GULP1: variants seen among roughly 807,000 people sequenced by gnomAD.
The protein encoded by GULP1 is GULP PTB domain containing engulfment adaptor 1.
Under a neutral mutation model 40.9 loss-of-function variants are expected in GULP1, and 19 were observed. That is an observed-to-expected ratio of 0.46 (90% CI 0.32 to 0.68). GULP1 has a LOEUF of 0.68. Among genes scored for constraint, GULP1 ranks in the 30% least tolerant of loss-of-function variants. GULP1 has a pLI of 0.03. For synonymous variants in GULP1, 119 were observed against 117.6 expected, an observed-to-expected ratio of 1.01 and a Z score of -0.08; for missense variants, 312 against 362.2, an observed-to-expected ratio of 0.86 and a Z score of 1.12.
At chr2:188,424,667 G>A (rs2055915790) in intron 2 of GULP1, among the ~76,000 whole-genome samples, 1 of 151,726 alleles carries the variant, frequency 6.6e-6, no homozygotes, top group African/African-American at 2.4e-5. Flanking sequence ...GAATTTACTT[G>A]TTTGTAAATA....
At chr2:188,450,998 A>G (rs2058794644) in intron 2 of GULP1, among the ~76,000 whole-genome samples, 2 of 152,234 alleles carry the variant, frequency 1.3e-5, no homozygotes, top group Admixed American at 6.5e-5. Context: ...AAATTACTCA[A>G]TTAGTAAATG....
intron 2 of GULP1, among the ~76,000 whole-genome samples, chr2:188,388,764 TTA>T (rs2050127822): frequency 6.6e-6 from 1 of 152,090 alleles, no homozygotes. Flanking sequence ...CTTGAGGAGT[TTA>T]TAATGTAGCA....
At chr2:188,294,722 TATG>T (rs2034555969) in intron 1 of GULP1, among the ~76,000 whole-genome samples, 1 of 152,220 alleles carries the variant, frequency 6.6e-6, no homozygotes. Flanking sequence ...TTTCCCTGAC[TATG>T]ATTTCAGTTT....
At chr2:188,412,336 A>C (rs1196156826) in intron 2 of GULP1, among the ~76,000 whole-genome samples, 1 of 151,902 alleles carries the variant, frequency 6.6e-6, no homozygotes, top group Admixed American at 6.6e-5. Context: ...ATGCACGCCT[A>C]CCCTTCCTTA....
At chr2:188,420,200 T>C (rs575129484) in intron 2 of GULP1, among the ~76,000 whole-genome samples, 1 of 152,176 alleles carries the variant, frequency 6.6e-6, no homozygotes, top group Non-Finnish European at 1.5e-5. Flanking sequence ...ATTTTAGATA[T>C]TTGTTCTAAT....
rs1704137413 is a variant in GULP1 at position 188,594,305 on chromosome 2, T to G, written c.*294T>G. On this transcript the variant is annotated 3_prime_UTR_variant, in exon 12 of 12. Coordinates refer to ENST00000409830, the MANE Select transcript of GULP1 (RefSeq NM_016315.4). Reference sequence around the variant, plus strand: ...ATACCTGCCTTGTGTCTGAGTTCTATTTAGTTAGCATCTTGAAATTTGTAT... The same window carrying G: ...ATACCTGCCTTGTGTCTGAGTTCTAGTTAGTTAGCATCTTGAAATTTGTAT... 5.0e-6 allele frequency: 1 copy of G among 200,416 alleles called. No homozygotes were observed. The highest frequency in any genetic ancestry group is 1.0e-5 in the Non-Finnish European group (1 of 100,070). 12.4% of individuals were successfully genotyped at this position (200,416 alleles called of 1,614,324 possible). A position where few individuals can be genotyped will look rare whatever the true frequency, so the allele number is the denominator to read the frequency against.
intron 5 of GULP1, among the ~76,000 whole-genome samples, chr2:188,523,385 T>A (rs1685334029): frequency 6.6e-6 from 1 of 152,168 alleles, no homozygotes; most frequent in Non-Finnish European, 1.5e-5. Flanking sequence ...CAACCCCACA[T>A]ATCCTAGTCA....
intron 4 of GULP1, among the ~76,000 whole-genome samples, chr2:188,515,852 T>C (rs2065118596): frequency 6.6e-6 from 1 of 152,226 alleles, no homozygotes; most frequent in Non-Finnish European, 1.5e-5. Flanking sequence ...AATGAGCATA[T>C]GTTAAATTAA....
Position 188,323,427 on chromosome 2 carries a change from C to G in GULP1, c.-172+31261C>G, listed in dbSNP as rs377144969. ...TCTTTTATATTCTAGGGACTCCACT[C>G]TTTGCATGCACAGTTGCAGTTGGCA... On this transcript the variant is annotated intron_variant, in intron 1 of 11. Transcript: ENST00000409830. 2.6e-5 allele frequency among the ~76,000 whole-genome samples: 4 copies of G among 152,018 alleles called. No individual in the cohort carries two copies. The East Asian group carries it at 5.8e-4, about 22-fold the overall frequency.
In GULP1 at chr2:188,526,704, G is replaced by A. The variant is rs116344358; in HGVS notation, c.163-2393G>A. 6.0e-3 allele frequency among the ~76,000 whole-genome samples: 915 copies of A among 152,192 alleles called. 11 individuals are homozygous for A. Among genetic ancestry groups the A allele is most frequent in the African/African-American group, 0.021 (872 of 41,526 alleles). ...GTGTAACATATGTTCAAAAATCAAG[G>A]CCAATAACCAGTGTAAACCTTGATA... On this transcript the variant is annotated intron_variant, in intron 5 of 11. Coordinates refer to ENST00000409830, the MANE Select transcript of GULP1 (RefSeq NM_016315.4).
chr2:188,507,057 A>G (rs907606237), intron 4 of GULP1, among the ~76,000 whole-genome samples: 1 of 151,718 alleles, frequency 6.6e-6, no homozygotes, highest in African/African-American at 2.4e-5. Flanking sequence ...CCATCCACCC[A>G]CTTTGCATTC....
chr2:188,558,540 G>A (rs1411901749), intron 7 of GULP1, among the ~76,000 whole-genome samples: 3 of 152,172 alleles, frequency 2.0e-5, no homozygotes, highest in Non-Finnish European at 4.4e-5. Context: ...GTAGAGTGCG[G>A]TGTTGCTGAA....
intron 9 of GULP1, among the ~76,000 whole-genome samples, chr2:188,581,848 A>C (rs1336338472): frequency 6.6e-6 from 1 of 152,208 alleles, no homozygotes; most frequent in Non-Finnish European, 1.5e-5. Context: ...ACATAATATC[A>C]CTACTACTGA....
intron 1 of GULP1, among the ~76,000 whole-genome samples, chr2:188,339,115 C>T (rs956699219): frequency 6.6e-6 from 1 of 152,094 alleles, no homozygotes; most frequent in African/African-American, 2.4e-5. Context: ...TTAATTTTTA[C>T]AAATAGAAGA....
At chr2:188,403,568 C>T (rs2052622363) in intron 2 of GULP1, among the ~76,000 whole-genome samples, 1 of 152,136 alleles carries the variant, frequency 6.6e-6, no homozygotes, top group Non-Finnish European at 1.5e-5. Flanking sequence ...ATATAACTCA[C>T]TTCAGAACTA....
At chr2:188,507,255 C>G (rs1001531416) in intron 4 of GULP1, among the ~76,000 whole-genome samples, 1 of 151,880 alleles carries the variant, frequency 6.6e-6, no homozygotes, top group East Asian at 1.9e-4. Context: ...GTGGCAGTAA[C>G]TCTGAGAGTC....
intron 11 of GULP1, chr2:188,588,242 AGTT>A (rs1702818580): frequency 5.7e-6 from 2 of 353,086 alleles, no homozygotes; most frequent in Non-Finnish European, 1.1e-5. Flanking sequence ...TGAAATCTAG[AGTT>A]AAACAGTCAC....
At chr2:188,538,817 T>C (rs1689651305) in intron 6 of GULP1, among the ~76,000 whole-genome samples, 4 of 151,904 alleles carry the variant, frequency 2.6e-5, no homozygotes, top group Non-Finnish European at 5.9e-5. Flanking sequence ...GACATATACA[T>C]AAGTGACACA....
chr2:188,475,878 G>T (rs968626419), intron 2 of GULP1, among the ~76,000 whole-genome samples: 1 of 151,576 alleles, frequency 6.6e-6, no homozygotes, highest in Non-Finnish European at 1.5e-5. Flanking sequence ...GAAATTAAGG[G>T]TTTTGAAAAA....
Sources: allele counts gnomAD v4.1 joint callset (sites outside exome capture counted in the v4.1 genomes callset), GRCh38; gene constraint gnomAD v4.1.1; transcripts MANE v1.5; gene names NCBI Gene and HGNC (gene_info 2026-07-23, HGNC 2026-07-21).